Variants in TNIP3 observed in about 807,000 individuals in gnomAD.
TNIP3 encodes TNFAIP3-interacting protein 3.
A neutral mutation model predicts 54.1 loss-of-function variants in TNIP3; 34 were observed. The observed-to-expected ratio is 0.63, with a 90% CI of 0.48 to 0.84. The LOEUF (loss-of-function observed/expected upper bound fraction) is 0.84. Ranked by LOEUF, TNIP3 falls within the 40% of genes least tolerant of loss-of-function variation. TNIP3 has a pLI of 0.00. For synonymous variants in TNIP3, 134 were observed against 136.8 expected (o/e 0.98, Z 0.14); for missense variants, 366 against 387.6 (o/e 0.94, Z 0.47).
chr4:121,133,238 C>A (rs1728580550), intron 10 of TNIP3, among the ~76,000 whole-genome samples: 1 of 152,068 alleles, frequency 6.6e-6, no homozygotes, highest in South Asian at 2.1e-4. Context: ...ATAGAAATGC[C>A]AAGAAACAAA....
At chr4:121,146,725 A>C (rs1218505667) in intron 7 of TNIP3, among the ~76,000 whole-genome samples, 2 of 152,268 alleles carry the variant, frequency 1.3e-5, no homozygotes, top group East Asian at 3.9e-4. Flanking sequence ...TTTAAAAACC[A>C]CTTCACTTTA....
intron 3 of TNIP3, among the ~76,000 whole-genome samples, chr4:121,173,400 T>G (rs190304455): frequency 6.6e-6 from 1 of 152,244 alleles, no homozygotes; most frequent in Non-Finnish European, 1.5e-5. Context: ...AAAAGAGAAA[T>G]TCAGTCTTTA....
chr4:121,217,266 A>G (rs1442309139), upstream of TNIP3, among the ~76,000 whole-genome samples: 1 of 152,164 alleles, frequency 6.6e-6, no homozygotes, highest in Non-Finnish European at 1.5e-5. Flanking sequence ...GAAACCACCA[A>G]TTGCTGAGAA....
At chr4:121,157,053 T>A (rs200143655) in intron 4 of TNIP3, 41 bp downstream of exon 4, 3 of 1,611,342 alleles carry the variant, frequency 1.9e-6, no homozygotes, top group South Asian at 2.2e-5. Context: ...CCTTTGCTTT[T>A]ATTTGGATCC....
chr4:121,152,104 T>C (rs922417230), intron 5 of TNIP3, among the ~76,000 whole-genome samples: 1 of 152,170 alleles, frequency 6.6e-6, no homozygotes, highest in Non-Finnish European at 1.5e-5. Flanking sequence ...AAAAACAGTA[T>C]GTTAATTACA....
At position 121,188,320 on chromosome 4, in the gene TNIP3, A is replaced by C. The variant is rs190815868; in HGVS notation, c.69-5524T>G. On this transcript the variant is annotated intron_variant, in intron 2 of 12. Coordinates refer to the TNIP3 transcript ENST00000507879. ...TTGACAATGAAACTTAAAAAAAAAA[A>C]CTCTCCCCTAAGTTATATATTATTG... Among the ~76,000 whole-genome samples the C allele has an allele frequency of 4.2e-4, 64 of 151,686 alleles. 1 individual carries two copies. Among genetic ancestry groups the C allele is most frequent in the Admixed American group, 3.8e-3 (58 of 15,242 alleles).
At chr4:121,183,775 T>G (rs992134302) in intron 2 of TNIP3, among the ~76,000 whole-genome samples, 1 of 152,010 alleles carries the variant, frequency 6.6e-6, no homozygotes, top group Admixed American at 6.6e-5. Flanking sequence ...GCCTGCTCCT[T>G]ATGAGAATCT....
At chr4:121,206,828 C>T (rs1004106604) in intron 2 of TNIP3, among the ~76,000 whole-genome samples, 4 of 152,224 alleles carry the variant, frequency 2.6e-5, no homozygotes, top group East Asian at 1.9e-4. Context: ...CCTCAGCCTC[C>T]CAAAGTGCTA....
intron 10 of TNIP3, among the ~76,000 whole-genome samples, chr4:121,135,547 G>A (rs1228639905): frequency 6.6e-6 from 1 of 152,098 alleles, no homozygotes; most frequent in Admixed American, 6.6e-5. Context: ...ACAGGCACAT[G>A]CCACTAGACT....
chr4:121,158,885 G>A, intron 2 of TNIP3, 133 bp from the exon 3 acceptor site: 1 of 684,196 alleles, frequency 1.5e-6, no homozygotes, highest in Non-Finnish European at 2.5e-6. Flanking sequence ...TTTCCATCAA[G>A]TTCTGATTGT....
intron 1 of TNIP3, among the ~76,000 whole-genome samples, chr4:121,225,634 G>T (rs1439065941): frequency 6.6e-6 from 1 of 152,196 alleles, no homozygotes; most frequent in Non-Finnish European, 1.5e-5. Context: ...TTTAGAAAAA[G>T]AGCTAAAGAG....
chr4:121,180,003 G>A (rs111942002), intron 3 of TNIP3, among the ~76,000 whole-genome samples: 4 of 151,766 alleles, frequency 2.6e-5, no homozygotes. Context: ...TAACACTAAT[G>A]TAGCACAAGC....
intron 2 of TNIP3, among the ~76,000 whole-genome samples, chr4:121,205,912 CA>C (rs1197550980): frequency 1.3e-5 from 2 of 152,052 alleles, no homozygotes; most frequent in African/African-American, 4.8e-5. Context: ...AGAAAACTTA[CA>C]ATCATGGCGG....
intron 3 of TNIP3, among the ~76,000 whole-genome samples, chr4:121,175,905 G>T (rs1463733181): frequency 6.6e-6 from 1 of 152,170 alleles, no homozygotes; most frequent in South Asian, 2.1e-4. Context: ...GGGTTGTCTG[G>T]TGGTGTACTT....
intron 1 of TNIP3, chr4:121,216,513 A>G: frequency 1.3e-6 from 2 of 1,535,642 alleles, no homozygotes; most frequent in South Asian, 2.4e-5. Context: ...AAAATAAAAA[A>G]ATATGAAGGA....
At chr4:121,193,886 A>C (rs1288789693) in intron 2 of TNIP3, among the ~76,000 whole-genome samples, 1 of 152,162 alleles carries the variant, frequency 6.6e-6, no homozygotes, top group African/African-American at 2.4e-5. Context: ...AGCCAAAAGA[A>C]AATTGAGAGA....
chr4:121,220,900 GC>G (rs1347337403), upstream of TNIP3, among the ~76,000 whole-genome samples: 11 of 152,136 alleles, frequency 7.2e-5, no homozygotes, highest in Non-Finnish European at 1.5e-4. Context: ...GTGGGAAAAT[GC>G]CTGCAGAGTC....
At chr4:121,157,454 C>G (rs1044526976) in intron 3 of TNIP3, among the ~76,000 whole-genome samples, 2 of 152,112 alleles carry the variant, frequency 1.3e-5, no homozygotes, top group African/African-American at 4.8e-5. Context: ...TTCTTTTCTC[C>G]AAACCACCCA....
At chr4:121,135,313 G>A (rs916668243) in intron 10 of TNIP3, among the ~76,000 whole-genome samples, 52 of 152,268 alleles carry the variant, frequency 3.4e-4, no homozygotes, top group Admixed American at 1.3e-3. Context: ...TGTTAGAGGA[G>A]GATTTAGTGG....
Sources: allele counts gnomAD v4.1 joint callset (sites outside exome capture counted in the v4.1 genomes callset), GRCh38; gene constraint gnomAD v4.1.1; transcripts MANE v1.5; gene names NCBI Gene and HGNC (gene_info 2026-07-23, HGNC 2026-07-21).